Variants in INSC observed in about 807,000 individuals in gnomAD.
INSC encodes protein inscuteable homolog.
In INSC, 67 loss-of-function variants were observed where a neutral mutation model predicts 58.6. That is an observed-to-expected ratio of 1.14 (90% CI 0.94 to 1.40). The LOEUF (loss-of-function observed/expected upper bound fraction) is 1.40. Among genes scored for constraint, INSC ranks in the 40% most tolerant of loss-of-function variants. INSC has a pLI of 0.00. For missense variants in INSC, 714 were observed against 692.0 expected, an observed-to-expected ratio of 1.03 and a Z score of -0.36; for synonymous variants, 262 against 276.1, an observed-to-expected ratio of 0.95 and a Z score of 0.51.
intron 1 of INSC, among the ~76,000 whole-genome samples, chr11:15,127,227 T>C (rs1253535249): frequency 2.0e-5 from 3 of 152,246 alleles, no homozygotes; most frequent in Non-Finnish European, 4.4e-5. Context: ...AGGCTGCTCC[T>C]GCAGGGACTT....
chr11:15,166,480 A>G (rs949673285), intron 2 of INSC, among the ~76,000 whole-genome samples: 23 of 152,114 alleles, frequency 1.5e-4, no homozygotes, highest in African/African-American at 5.6e-4. Context: ...GAACTCACCT[A>G]TATTTTGTCT....
chr11:15,208,660 G>T (rs1228686771), intron 7 of INSC, among the ~76,000 whole-genome samples: 1 of 152,240 alleles, frequency 6.6e-6, no homozygotes, highest in Non-Finnish European at 1.5e-5. Flanking sequence ...AAGGCTCGGG[G>T]ACTGCGCCTT....
chr11:15,217,572 G>A lies in INSC; in HGVS notation c.820-3905G>A, dbSNP rs923542334. ...CGCTTGAGTGGCCTCATACTATGGTGAGCTGGGCTGTGCAAGAGCTGCTGA... is the reference window on the plus strand; with the variant it reads ...CGCTTGAGTGGCCTCATACTATGGTAAGCTGGGCTGTGCAAGAGCTGCTGA... On this transcript the variant is annotated intron_variant, in intron 7 of 12. Transcript: ENST00000379556. Among the ~76,000 whole-genome samples the A allele has an allele frequency of 3.9e-5, 6 of 152,282 alleles. No homozygotes were observed. In the South Asian group the frequency reaches 1.0e-3, roughly 26 times the overall value.
intron 9 of INSC, among the ~76,000 whole-genome samples, chr11:15,234,944 C>T (rs1852064127): frequency 6.6e-6 from 1 of 152,174 alleles, no homozygotes; most frequent in African/African-American, 2.4e-5. Flanking sequence ...ACTCACTGTC[C>T]ACCTGGTGTC....
chr11:15,198,697 G>A (rs1434917989), intron 6 of INSC, among the ~76,000 whole-genome samples: 1 of 151,716 alleles, frequency 6.6e-6, no homozygotes, highest in South Asian at 2.1e-4. Flanking sequence ...TTTACATCTG[G>A]AAGAAGGCTA....
chr11:15,177,039 T>A, intron 3 of INSC, 72 bp from the exon 4 acceptor site: 2 of 1,157,528 alleles, frequency 1.7e-6, no homozygotes, highest in Non-Finnish European at 2.6e-6. Context: ...AATGTCCCCG[T>A]GTGCTCAGCA....
chr11:15,152,027 T>C (rs531148921), intron 2 of INSC, among the ~76,000 whole-genome samples: 1 of 152,358 alleles, frequency 6.6e-6, no homozygotes, highest in Non-Finnish European at 1.5e-5. Context: ...ATGGGATGGA[T>C]ACTCCACACA....
At chr11:15,212,781 CAAT>C (rs1369882394) in intron 7 of INSC, among the ~76,000 whole-genome samples, 1 of 151,958 alleles carries the variant, frequency 6.6e-6, no homozygotes, top group African/African-American at 2.4e-5. Flanking sequence ...TGTCATCTGT[CAAT>C]AATGACAGTT....
chr11:15,145,867 G>A (rs1590358244), intron 1 of INSC, among the ~76,000 whole-genome samples: 1 of 152,150 alleles, frequency 6.6e-6, no homozygotes, highest in African/African-American at 2.4e-5. Flanking sequence ...TGTCTGAGAA[G>A]GGCCTCCTGG....
chr11:15,180,884 T>C (rs1849755589), intron 5 of INSC, among the ~76,000 whole-genome samples: 1 of 152,204 alleles, frequency 6.6e-6, no homozygotes, highest in Admixed American at 6.5e-5. Flanking sequence ...CTTCTTTTTA[T>C]ATTAGAAAGT....
At chr11:15,253,427 G>A in the INSC span, among the ~76,000 whole-genome samples, 1 of 152,046 alleles carries the variant, frequency 6.6e-6, no homozygotes, top group African/African-American at 2.4e-5. Context: ...ACGACCCACA[G>A]CTCCATCATG....
At chr11:15,259,939 G>T in the INSC span, among the ~76,000 whole-genome samples, 1 of 152,154 alleles carries the variant, frequency 6.6e-6, no homozygotes, top group African/African-American at 2.4e-5. Context: ...CCAGTGTTTA[G>T]ACTTGAACCA....
intron 5 of INSC, among the ~76,000 whole-genome samples, chr11:15,187,533 C>T (rs750361720): frequency 2.0e-5 from 3 of 152,148 alleles, no homozygotes; most frequent in Non-Finnish European, 2.9e-5. Flanking sequence ...TGCCAGTTTG[C>T]TTTTTGAGAG....
intron 1 of INSC, among the ~76,000 whole-genome samples, chr11:15,124,847 G>A (rs1269606280): frequency 6.6e-6 from 1 of 152,154 alleles, no homozygotes; most frequent in Non-Finnish European, 1.5e-5. Context: ...GGTTGCAAGG[G>A]TCTAAGTTAC....
intron 2 of INSC, among the ~76,000 whole-genome samples, chr11:15,156,938 A>G (rs886832046): frequency 5.3e-5 from 8 of 152,198 alleles, no homozygotes; most frequent in East Asian, 1.9e-4. Context: ...ATTCCAGCTT[A>G]GAAAAAACTT....
intron 2 of INSC, among the ~76,000 whole-genome samples, chr11:15,170,848 C>T (rs1021555333): frequency 6.6e-6 from 1 of 152,080 alleles, no homozygotes; most frequent in African/African-American, 2.4e-5. Flanking sequence ...TATAGACAGG[C>T]ACCCAGATGG....
At chr11:15,137,865 G>T (rs989031424) in intron 1 of INSC, among the ~76,000 whole-genome samples, 3 of 152,074 alleles carry the variant, frequency 2.0e-5, no homozygotes, top group African/African-American at 7.2e-5. Flanking sequence ...TTAACAACTT[G>T]CCTAACCGTT....
chr11:15,123,159 C>T (rs1847914769), intron 1 of INSC, among the ~76,000 whole-genome samples: 1 of 152,228 alleles, frequency 6.6e-6, no homozygotes, highest in Non-Finnish European at 1.5e-5. Context: ...CTGCTTTACT[C>T]TCAGTTCTCA....
chr11:15,137,138 A>AT lies in INSC; in HGVS notation c.-45-11984dup, dbSNP rs551057250. On this transcript the variant is annotated intron_variant, in intron 1 of 12. Coordinates refer to ENST00000379556, the MANE Select transcript of INSC (RefSeq NM_001042536.3). ...TGAGCAATAATATTTTGAAAGGAAT[A>AT]TTTTTTTTCTGAGTGGTAGGTCTTA... 8.6e-4 allele frequency among the ~76,000 whole-genome samples: 131 copies of AT among 152,184 alleles called. 1 individual carries two copies. Among genetic ancestry groups the AT allele is most frequent in the East Asian group, 2.3e-3 (12 of 5,180 alleles).
Sources: gnomAD v4.1 joint callset for allele counts (sites outside exome capture counted in the v4.1 genomes callset) on GRCh38, gnomAD v4.1.1 for gene constraint, MANE v1.5 for transcripts, NCBI Gene and HGNC (gene_info 2026-07-23, HGNC 2026-07-21) for gene names.